Variants in NPAT observed in about 807,000 individuals in gnomAD.
The protein encoded by NPAT is nuclear protein, coactivator of histone transcription.
In NPAT, 52 loss-of-function variants were observed where a neutral mutation model predicts 130.7. The observed-to-expected ratio is 0.40, with a 90% CI of 0.32 to 0.50. The LOEUF (loss-of-function observed/expected upper bound fraction) is 0.50. Among genes scored for constraint, NPAT ranks in the 20% least tolerant of loss-of-function variants. The pLI, the probability that NPAT is intolerant of heterozygous loss-of-function variation, is 0.68. For synonymous variants in NPAT, 580 were observed against 584.8 expected, an observed-to-expected ratio of 0.99 and a Z score of 0.12; for missense variants, 1,687 against 1,662.6, an observed-to-expected ratio of 1.01 and a Z score of -0.26.
chr11:108,189,063 T>C (rs758466020), intron 6 of NPAT, 43 bp downstream of exon 6: 1 of 1,485,382 alleles, frequency 6.7e-7, no homozygotes, highest in South Asian at 1.1e-5. Flanking sequence ...ATTCATACAA[T>C]TTGATTAACA....
chr11:108,173,936 C>A, intron 12 of NPAT, 85 bp from the exon 13 acceptor site: 3 of 1,200,654 alleles, frequency 2.5e-6, no homozygotes, highest in Non-Finnish European at 3.7e-6. Context: ...CTTATTTTGC[C>A]AAGAAAATAA....
At chr11:108,196,725 C>A (rs139686742) in intron 2 of NPAT, among the ~76,000 whole-genome samples, 1 of 152,104 alleles carries the variant, frequency 6.6e-6, no homozygotes, top group Non-Finnish European at 1.5e-5. Flanking sequence ...TGCAGGCATA[C>A]GGAATATAAT....
intron 1 of NPAT, among the ~76,000 whole-genome samples, chr11:108,214,420 G>A (rs1182176880): frequency 6.6e-6 from 1 of 152,124 alleles, no homozygotes; most frequent in Non-Finnish European, 1.5e-5. Context: ...ACAGAAAGTA[G>A]ATTTGTGGTT....
rs1447843084 is a variant in NPAT, at chr11:108,173,638, T to A, written c.1346A>T (p.Asn449Ile). 6.2e-7 allele frequency: 1 copy of A among 1,614,206 alleles called. No homozygotes were observed. The highest frequency in any genetic ancestry group is 8.5e-7 in the Non-Finnish European group (1 of 1,180,038). Residue 449 changes from asparagine (N) to isoleucine (I), a missense_variant, in exon 13 of 18, where the codon AAT (asparagine) becomes ATT (isoleucine). Asn to Ile is a moderately radical substitution (Grantham distance 149). Around this residue, in one of 3 missense-constraint regions of NPAT, gnomAD observed 1,379 missense variants for 1,346.6 expected, o/e 1.02. Transcript: ENST00000278612. ...DIDITFESVP[N>I]LNDFNQRGNS... ...CCCTCTTTGGTTAAAGTCATTCAAATTAGGCACGGACTCAAAGGTAATGTC... is the reference window on the plus strand; with the variant it reads ...CCCTCTTTGGTTAAAGTCATTCAAAATAGGCACGGACTCAAAGGTAATGTC...
At chr11:108,188,035 T>A in intron 7 of NPAT, 63 bp downstream of exon 7, 1 of 1,125,640 alleles carries the variant, frequency 8.9e-7, no homozygotes, top group Non-Finnish European at 1.4e-6. Context: ...AGTATCCTGA[T>A]GTAATTCTTT....
At position 108,193,810 on chromosome 11, in the gene NPAT, C is replaced by A. The variant is rs1441993837; in HGVS notation, c.217+147G>T. On this transcript the variant is annotated intron_variant, in intron 3 of 17. Transcript: ENST00000278612. ...AAACCCACAAACAAATTAGATGTGT[C>A]CCAGAAAAATTTATCTCATTACAAC... The A allele has an allele frequency of 5.4e-6, 3 of 558,054 alleles. No individual in the cohort carries two copies. The Admixed American group carries it at 1.0e-4, about 19-fold the overall frequency. 34.6% of individuals were successfully genotyped at this position (558,054 alleles called of 1,614,324 possible).
chr11:108,160,476 A>C (rs1369771306), intron 17 of NPAT, among the ~76,000 whole-genome samples: 2 of 152,200 alleles, frequency 1.3e-5, no homozygotes, highest in Non-Finnish European at 2.9e-5. Context: ...AGTTCTACAC[A>C]ATAGTGTTTA....
chr11:108,188,219 G>C, intron 6 of NPAT, 40 bp from the exon 7 acceptor site: 4 of 1,447,822 alleles, frequency 2.8e-6, no homozygotes, highest in Non-Finnish European at 3.9e-6. Context: ...CAAAGAAACT[G>C]AATAGTTTTC....
Position 108,173,725 on chromosome 11 carries a change from C to T in NPAT, c.1259G>A (p.Ser420Asn). 6.2e-7 allele frequency: 1 copy of T among 1,614,064 alleles called. No individual in the cohort carries two copies. Among genetic ancestry groups the T allele is most frequent in the Non-Finnish European group, 8.5e-7 (1 of 1,180,010 alleles). ...QEDQENFSQISTSIQKKAFKT... is the reference protein window; with the variant it reads ...QEDQENFSQINTSIQKKAFKT... ...AAAGGCCTTTTTCTGTATGCTGGTA[C>T]TTATTTGGGAAAAATTTTCCTGGTC... Residue 420 changes from serine to asparagine, a missense_variant, in exon 13 of 18, where the codon AGT becomes AAT. Physicochemically the swap from Ser to Asn is conservative, Grantham distance 46. This residue lies in a region of NPAT where 1,379 missense variants were observed against 1,346.6 expected (regional missense o/e 1.02). Transcript: ENST00000278612.
chr11:108,165,867 T>C (rs906018341), intron 15 of NPAT, among the ~76,000 whole-genome samples: 3 of 151,648 alleles, frequency 2.0e-5, no homozygotes, highest in African/African-American at 7.3e-5. Flanking sequence ...TCTCCTGACC[T>C]TGTGATCCGC....
rs2077842149 is a variant in NPAT, at chr11:108,161,033, A to G, written c.4053T>C (p.Pro1351=). The G allele has an allele frequency of 6.2e-7, 1 of 1,613,990 alleles. No individual in the cohort carries two copies. The highest frequency in any genetic ancestry group is 8.5e-7 in the Non-Finnish European group (1 of 1,180,024). The change falls in exon 17 of 18, where the codon CCT becomes CCC. Residue 1351 remains proline, a synonymous_variant. Transcript: ENST00000278612. The stretch of plus-strand genomic sequence containing the variant: ...TAAACTGTTGTGTGTTATCTTTCAG[A>G]GGAGTTGCTGAAGTAGTCCTAGAAA... ...AAISRTTSAT[P]LKDNTQQFRA...
At chr11:108,207,580 C>T (rs1037847801) in intron 1 of NPAT, among the ~76,000 whole-genome samples, 1 of 152,268 alleles carries the variant, frequency 6.6e-6, no homozygotes, top group Non-Finnish European at 1.5e-5. Context: ...TGTGTTGGTG[C>T]TGCCCCTAGT....
At position 108,163,836 on chromosome 11, in the gene NPAT, T is replaced by G. The variant is rs192740558; in HGVS notation, c.3011-1656A>C. Among the ~76,000 whole-genome samples, 10 of 152,278 alleles carry G rather than the reference T, an allele frequency of 6.6e-5. No homozygotes were observed. The East Asian group carries it at 1.9e-3, about 29-fold the overall frequency. On this transcript the variant is annotated intron_variant, in intron 15 of 17. Transcript: ENST00000278612. The stretch of plus-strand genomic sequence containing the variant: ...GTGACTCTAGTGTAGACAGTTTCAG[T>G]AGATGCATGAGAAAAGACAGTAATT...
In NPAT at chr11:108,158,198, T is replaced by C. The variant is rs1041236545; in HGVS notation, c.*744A>G. ...ATCTCTACTACAAACCAAAATTTTA[T>C]GGCTCAATAGTCTAACCACTTAAAG... On this transcript the variant is annotated 3_prime_UTR_variant, in exon 18 of 18. Coordinates refer to ENST00000278612, the MANE Select transcript of NPAT (RefSeq NM_002519.3). 1 of 152,464 alleles carries C rather than the reference T, an allele frequency of 6.6e-6. No individual in the cohort carries two copies. The highest frequency in any genetic ancestry group is 2.1e-4 in the South Asian group (1 of 4,820). 9.4% of individuals were successfully genotyped at this position (152,464 alleles called of 1,614,324 possible). A position where few individuals can be genotyped will look rare whatever the true frequency, so the allele number is the denominator to read the frequency against.
chr11:108,203,022 C>T lies in NPAT; in HGVS notation c.38-5602G>A, dbSNP rs954274081. On this transcript the variant is annotated intron_variant, in intron 1 of 17. Transcript: ENST00000278612. ...CTATCTTCATTGTGCTAGGAGACCA[C>T]AATCTTCAGGAAAGGGAGAAAAGAC... Among the ~76,000 whole-genome samples the T allele has an allele frequency of 9.2e-5, 14 of 152,220 alleles. No individual in the cohort carries two copies. The South Asian group carries it at 1.2e-3, about 14-fold the overall frequency.
At chr11:108,213,290 A>G (rs2078402045) in intron 1 of NPAT, among the ~76,000 whole-genome samples, 1 of 152,230 alleles carries the variant, frequency 6.6e-6, no homozygotes, top group African/African-American at 2.4e-5. Flanking sequence ...AAAACGAAAC[A>G]AAACAAAAAC....
At chr11:108,177,139 A>G (rs374718489) in intron 10 of NPAT, 49 bp from the exon 11 acceptor site, 8 of 861,124 alleles carry the variant, frequency 9.3e-6, no homozygotes, top group Non-Finnish European at 1.5e-5. Context: ...GAATTTATAT[A>G]TATTTACATA....
intron 3 of NPAT, among the ~76,000 whole-genome samples, chr11:108,193,590 T>G (rs181723955): frequency 6.6e-6 from 1 of 152,258 alleles, no homozygotes; most frequent in East Asian, 1.9e-4. Flanking sequence ...CCGGGCATGG[T>G]GGCGCATGCC....
intron 5 of NPAT, 68 bp from the exon 6 acceptor site, chr11:108,189,398 T>C (rs1051554544): frequency 3.0e-6 from 4 of 1,313,428 alleles, no homozygotes; most frequent in African/African-American, 1.4e-5. Flanking sequence ...AAGAAGTCAA[T>C]ATGATGCAAC....
Sources: allele counts gnomAD v4.1 joint callset (sites outside exome capture counted in the v4.1 genomes callset), GRCh38; gene constraint gnomAD v4.1.1; regional missense constraint gnomAD v4.1.1; transcripts MANE v1.5; gene names NCBI Gene and HGNC (gene_info 2026-07-23, HGNC 2026-07-21).